Variants in ZER1 observed in about 807,000 individuals in gnomAD.
The protein encoded by ZER1 is protein zer-1 homolog.
In ZER1, 11 loss-of-function variants were observed where a neutral mutation model predicts 78.8. That is an observed-to-expected ratio of 0.14 (90% CI 0.09 to 0.23). ZER1 has a LOEUF of 0.23. Among genes scored for constraint, ZER1 ranks in the 10% least tolerant of loss-of-function variants. The pLI is 1.00. For synonymous variants in ZER1, 400 were observed against 407.0 expected, an observed-to-expected ratio of 0.98 and a Z score of 0.21; for missense variants, 588 against 996.9, an observed-to-expected ratio of 0.59 and a Z score of 5.52.
chr9:128,766,185 C>A (rs1250403167), intron 1 of ZER1, among the ~76,000 whole-genome samples: 1 of 151,570 alleles, frequency 6.6e-6, no homozygotes, highest in Non-Finnish European at 1.5e-5. Flanking sequence ...CCTGTCTCTA[C>A]TAAAAATACA....
intron 1 of ZER1, among the ~76,000 whole-genome samples, chr9:128,765,209 ATG>A (rs1864167878): frequency 8.5e-6 from 1 of 117,668 alleles, no homozygotes; most frequent in Non-Finnish European, 1.7e-5. Context: ...ATCCATGCAC[ATG>A]TACACACACA....
At chr9:128,731,423 A>T in intron 15 of ZER1, 29 bp from the exon 16 acceptor site, 1 of 415,554 alleles carries the variant, frequency 2.4e-6, no homozygotes, top group Non-Finnish European at 4.7e-6. Context: ...ACAGGATTGG[A>T]GGGTGGGCTT....
At chr9:128,731,516 T>A (rs1193885408) in intron 15 of ZER1, 122 bp from the exon 16 acceptor site, 12 of 777,856 alleles carry the variant, frequency 1.5e-5, no homozygotes, top group Admixed American at 1.3e-4. Context: ...GCTGACCGAA[T>A]GATGTGGACA....
Position 128,771,597 on chromosome 9 carries a change from C to T in ZER1, c.-111G>A, listed in dbSNP as rs1864386580. 1 of 152,452 alleles carries T rather than the reference C, an allele frequency of 6.6e-6. No individual in the cohort carries two copies. Among genetic ancestry groups the T allele is most frequent in the African/African-American group, 2.4e-5 (1 of 41,454 alleles). The allele number at this position is 152,452 out of a possible 1,614,324, so 9.4% of individuals were successfully genotyped here. ...GGGACCTACCCTGGACGGGGCTGCCCTCAGCGTCGGGAAGCGGACGTGATG... is the reference window on the plus strand; with the variant it reads ...GGGACCTACCCTGGACGGGGCTGCCTTCAGCGTCGGGAAGCGGACGTGATG... On this transcript the variant is annotated 5_prime_UTR_variant, in exon 1 of 16. Transcript: ENST00000291900.
At chr9:128,758,121 G>GTTTT (rs1166926419) in intron 1 of ZER1, among the ~76,000 whole-genome samples, 3 of 137,496 alleles carry the variant, frequency 2.2e-5, no homozygotes, top group Non-Finnish European at 1.6e-5. Flanking sequence ...TTTAGTTTAG[G>GTTTT]TTTTTTTTTT....
At chr9:128,764,372 G>A (rs999229755) in intron 1 of ZER1, among the ~76,000 whole-genome samples, 9 of 152,076 alleles carry the variant, frequency 5.9e-5, no homozygotes, top group Non-Finnish European at 8.8e-5. Flanking sequence ...CTCTTGGCTC[G>A]GAGGCTCTGA....
intron 5 of ZER1, among the ~76,000 whole-genome samples, 191 bp downstream of exon 5, chr9:128,752,482 A>G (rs183304268): frequency 1.4e-4 from 21 of 152,256 alleles, no homozygotes; most frequent in African/African-American, 4.8e-4. Flanking sequence ...CACCATGTCC[A>G]GCTAAATTTT....
intron 8 of ZER1, among the ~76,000 whole-genome samples, chr9:128,743,431 A>AC (rs1554787283): frequency 5.3e-5 from 8 of 150,756 alleles, no homozygotes; most frequent in Admixed American, 5.3e-4. Flanking sequence ...TTATTTATTT[A>AC]TTTTTTTTGA....
rs530316129 is a variant in ZER1 at position 128,766,976 on chromosome 9, CTT to C, written c.-95+4603_-95+4604del. Among the ~76,000 whole-genome samples the C allele has an allele frequency of 3.7e-3, 522 of 140,012 alleles. 1 individual carries two copies. The highest frequency in any genetic ancestry group is 0.013 in the African/African-American group (476 of 37,848). 91.9% of individuals were successfully genotyped at this position (140,012 alleles called of 152,430 possible). On this transcript the variant is annotated intron_variant, in intron 1 of 15. Coordinates refer to ENST00000291900, the MANE Select transcript of ZER1 (RefSeq NM_006336.4). Reference sequence around the variant, plus strand: ...TTTTTTTTTGAGATGGAATTTTGCTCTTGTTGCCCAAGCTGGAGTGCAATGGC... The same window carrying C: ...TTTTTTTTTGAGATGGAATTTTGCTCGTTGCCCAAGCTGGAGTGCAATGGC...
At chr9:128,747,078 A>G (rs1863517198) in intron 8 of ZER1, among the ~76,000 whole-genome samples, 1 of 152,038 alleles carries the variant, frequency 6.6e-6, no homozygotes, top group Non-Finnish European at 1.5e-5. Flanking sequence ...ATGCTCCTGT[A>G]GTCCCAGCTA....
At chr9:128,750,279 T>C (rs750310631) in intron 8 of ZER1, among the ~76,000 whole-genome samples, 1 of 152,252 alleles carries the variant, frequency 6.6e-6, no homozygotes, top group Middle Eastern at 3.2e-3. Flanking sequence ...AACTTTTCTA[T>C]AATAAAGGCT....
chr9:128,752,591 G>A, intron 5 of ZER1, 82 bp downstream of exon 5: 1 of 1,441,000 alleles, frequency 6.9e-7, no homozygotes, highest in South Asian at 1.4e-5. Context: ...AAAGTGCTGG[G>A]ATTACAGGCG....
intron 1 of ZER1, among the ~76,000 whole-genome samples, chr9:128,759,235 ATCTCAGCTCACTGCAACCTCCGCC>A (rs1451100299): frequency 6.6e-6 from 1 of 151,050 alleles, no homozygotes; most frequent in Non-Finnish European, 1.5e-5. Flanking sequence ...CAGTGGCACG[ATCTCAGCTCACTGCAACCTCCGCC>A]TCTCAGGTTC....
chr9:128,765,760 G>C (rs1053099580), intron 1 of ZER1, among the ~76,000 whole-genome samples: 14 of 152,200 alleles, frequency 9.2e-5, no homozygotes, highest in African/African-American at 3.4e-4. Context: ...GAGACTGGGG[G>C]TGTGAGGGGA....
chr9:128,749,438 C>T (rs1863606250), intron 8 of ZER1, among the ~76,000 whole-genome samples: 1 of 152,110 alleles, frequency 6.6e-6, no homozygotes, highest in Non-Finnish European at 1.5e-5. Flanking sequence ...CATGTTAGGA[C>T]GTTGGCATAT....
intron 15 of ZER1, 198 bp downstream of exon 15, chr9:128,733,228 A>G: frequency 1.9e-6 from 1 of 518,108 alleles, no homozygotes; most frequent in Non-Finnish European, 3.5e-6. Flanking sequence ...GAGCTTGGTC[A>G]TCTAATTTCC....
chr9:128,738,888 G>A lies in ZER1; in HGVS notation c.2042+1043C>T, dbSNP rs182251958. 2.9e-3 allele frequency among the ~76,000 whole-genome samples: 356 copies of A among 124,256 alleles called. 1 individual carries two copies. Among genetic ancestry groups the A allele is most frequent in the African/African-American group, 0.011 (344 of 32,192 alleles). 81.5% of individuals were successfully genotyped at this position (124,256 alleles called of 152,430 possible). A position where few individuals can be genotyped will look rare whatever the true frequency, so the allele number is the denominator to read the frequency against. On this transcript the variant is annotated intron_variant, in intron 13 of 15. Coordinates refer to ENST00000291900, the MANE Select transcript of ZER1 (RefSeq NM_006336.4). Reference sequence around the variant, plus strand: ...TTTTTTTGAGATGGAGTCTTGGTCTGTTGCCCAGGCTGGAATGCAGTGGCG... The same window carrying A: ...TTTTTTTGAGATGGAGTCTTGGTCTATTGCCCAGGCTGGAATGCAGTGGCG...
rs1863243255 is a variant in ZER1 at position 128,740,223 on chromosome 9, A to G, written c.1854-104T>C. The G allele has an allele frequency of 8.7e-7, 1 of 1,151,590 alleles. No homozygotes were observed. The highest frequency in any genetic ancestry group is 1.2e-6 in the Non-Finnish European group (1 of 818,260). The allele number at this position is 1,151,590 out of a possible 1,614,324, so 71.3% of individuals were successfully genotyped here. On this transcript the variant is annotated intron_variant, in intron 12 of 15. Transcript: ENST00000291900. This position sits in a 1 kb window ranked among gnomAD's most constrained non-coding sequence, Gnocchi z 4.4. The stretch of plus-strand genomic sequence containing the variant: ...AAACCAGAAGCAAGAGGTGCTACTT[A>G]TTTCTTTATCCCATATCGTCTATAT...
At chr9:128,761,610 T>A (rs975877065) in intron 1 of ZER1, among the ~76,000 whole-genome samples, 2 of 145,198 alleles carry the variant, frequency 1.4e-5, no homozygotes, top group South Asian at 4.6e-4. Context: ...TTTGTTTTTT[T>A]TTTTTTTTTT....
Sources: allele counts gnomAD v4.1 joint callset (sites outside exome capture counted in the v4.1 genomes callset), GRCh38; gene constraint gnomAD v4.1.1; non-coding constraint Gnocchi (gnomAD v3.1); transcripts MANE v1.5; gene names NCBI Gene and HGNC (gene_info 2026-07-23, HGNC 2026-07-21).